Variants in PTPRJ observed in about 807,000 individuals in gnomAD.
The protein encoded by PTPRJ is protein tyrosine phosphatase receptor type J, also known as receptor-type tyrosine-protein phosphatase eta.
A neutral mutation model predicts 141.3 loss-of-function variants in PTPRJ; 129 were observed. The observed-to-expected ratio is 0.91, with a 90% CI of 0.79 to 1.06. PTPRJ has a LOEUF of 1.06. PTPRJ is among the 50% of genes least tolerant of loss of function. The pLI is 0.00. For missense variants in PTPRJ, 1,601 were observed against 1,679.7 expected (o/e 0.95, Z 0.82); for synonymous variants, 610 against 640.5 (o/e 0.95, Z 0.72).
At chr11:48,046,912 A>ATATATTT (rs1446781886) in intron 1 of PTPRJ, among the ~76,000 whole-genome samples, 13 of 74,168 alleles carry the variant, frequency 1.8e-4, no homozygotes, top group African/African-American at 9.5e-4. Context: ...ATATATATAT[A>ATATATTT]TTTTTTTTTT....
chr11:48,001,564 A>G (rs1854499842), intron 1 of PTPRJ, among the ~76,000 whole-genome samples: 1 of 152,128 alleles, frequency 6.6e-6, no homozygotes, highest in African/African-American at 2.4e-5. Context: ...AAATGTAAGC[A>G]CAATACTAAT....
chr11:48,005,435 G>T (rs1234497002), intron 1 of PTPRJ, among the ~76,000 whole-genome samples: 3 of 152,136 alleles, frequency 2.0e-5, no homozygotes, highest in African/African-American at 7.2e-5. Context: ...TTTCATGTGA[G>T]TAGAATCATA....
intron 1 of PTPRJ, among the ~76,000 whole-genome samples, chr11:48,076,072 A>G (rs1367722237): frequency 6.6e-6 from 1 of 152,164 alleles, no homozygotes; most frequent in African/African-American, 2.4e-5. Flanking sequence ...GAATTACCCT[A>G]TAGGAAGAAC....
chr11:48,144,745 T>C lies in PTPRJ; in HGVS notation c.2646T>C (p.Tyr882=), dbSNP rs769943649. 1.7e-5 allele frequency: 27 copies of C among 1,614,080 alleles called. No individual in the cohort carries two copies. The highest frequency in any genetic ancestry group is 2.2e-5 in the East Asian group (1 of 44,894). The part of the protein sequence containing the change: ...EDFKKGASDT[Y]VTYLIRTEEK... ...TCAAAAAGGGAGCCTCAGATACTTA[T>C]GTGACATACCTCATAAGAACAGAAG... Residue 882 remains tyrosine, a synonymous_variant, in exon 13 of 25, where the codon TAT becomes TAC. Coordinates refer to ENST00000418331, the MANE Select transcript of PTPRJ (RefSeq NM_002843.4).
intron 8 of PTPRJ, among the ~76,000 whole-genome samples, chr11:48,131,069 TA>T (rs1319212253): frequency 0.075 from 6,479 of 86,698 alleles, 1,066 homozygotes; most frequent in Non-Finnish European, 0.11. Flanking sequence ...TATATATATA[TA>T]TTTTTTTTTT....
In PTPRJ at chr11:48,139,523, C is replaced by T. The variant is rs750667988; in HGVS notation, c.2190C>T (p.Val730=). ...TGGCCTCCTTCGACTGCGAAGTGGT[C>T]CCCAAAGAGCCAGCCCTGGTTCTCA... The part of the protein sequence containing the change: ...ASMASFDCEV[V]PKEPALVLKW... Residue 730 remains valine (V), a synonymous_variant, in exon 11 of 25, where the codon GTC becomes GTT. Transcript: ENST00000418331. 4.1e-5 allele frequency: 66 copies of T among 1,614,160 alleles called. No homozygotes were observed. Among genetic ancestry groups the T allele is most frequent in the Non-Finnish European group, 5.5e-5 (65 of 1,179,994 alleles).
chr11:48,152,230 C>G (rs1857501826), intron 18 of PTPRJ, among the ~76,000 whole-genome samples: 1 of 152,156 alleles, frequency 6.6e-6, no homozygotes, highest in Non-Finnish European at 1.5e-5. Flanking sequence ...TGTCTTTTGG[C>G]TGCATAAATG....
chr11:48,133,989 T>C (rs975327981), intron 8 of PTPRJ, among the ~76,000 whole-genome samples: 9 of 152,182 alleles, frequency 5.9e-5, no homozygotes, highest in Non-Finnish European at 1.0e-4. Flanking sequence ...GGCTACAGTT[T>C]ATGCTGGGGA....
At chr11:48,015,812 C>T (rs530279481) in intron 1 of PTPRJ, 2 of 149,120 alleles carry the variant, frequency 1.3e-5, no homozygotes, top group South Asian at 4.2e-4. Context: ...CAAGATCATG[C>T]CACTGCACTC....
chr11:48,000,552 C>T (rs1854467905), intron 1 of PTPRJ, among the ~76,000 whole-genome samples: 1 of 152,042 alleles, frequency 6.6e-6, no homozygotes, highest in African/African-American at 2.4e-5. Context: ...AGACTCTGAA[C>T]CTTAGATCAG....
intron 7 of PTPRJ, 71 bp from the exon 8 acceptor site, chr11:48,130,388 T>G: frequency 2.8e-6 from 4 of 1,449,236 alleles, no homozygotes; most frequent in Non-Finnish European, 3.8e-6. Flanking sequence ...TCTCAGTATT[T>G]TCTGAGGTGG....
At chr11:48,104,126 T>C (rs2134316740) in intron 1 of PTPRJ, among the ~76,000 whole-genome samples, 1 of 152,332 alleles carries the variant, frequency 6.6e-6, no homozygotes, top group East Asian at 1.9e-4. Context: ...GCCTTGTGCT[T>C]GGGGCACTGT....
intron 1 of PTPRJ, among the ~76,000 whole-genome samples, chr11:48,019,098 C>T (rs188257443): frequency 2.0e-5 from 3 of 152,156 alleles, no homozygotes; most frequent in Admixed American, 6.5e-5. Context: ...GGAGTGAGCC[C>T]GTGGGTCCTG....
chr11:48,149,799 T>C, intron 16 of PTPRJ, 191 bp from the exon 17 acceptor site: 1 of 577,628 alleles, frequency 1.7e-6, no homozygotes, highest in Non-Finnish European at 3.1e-6. Flanking sequence ...ACCAATTAGT[T>C]ACAAAGTAGG....
chr11:47,985,051 G>C (rs1259397054), intron 1 of PTPRJ, among the ~76,000 whole-genome samples: 3 of 150,182 alleles, frequency 2.0e-5, no homozygotes, highest in Non-Finnish European at 3.0e-5. Flanking sequence ...CAGGGTTTCA[G>C]CATGTTGGCC....
intron 1 of PTPRJ, among the ~76,000 whole-genome samples, chr11:48,004,487 CA>C (rs1304875970): frequency 6.6e-6 from 1 of 152,140 alleles, no homozygotes; most frequent in Non-Finnish European, 1.5e-5. Context: ...CAGGCTGGTC[CA>C]GGTGTCTTTC....
intron 1 of PTPRJ, among the ~76,000 whole-genome samples, chr11:48,045,100 C>A (rs1854356950): frequency 6.6e-6 from 1 of 152,134 alleles, no homozygotes; most frequent in Admixed American, 6.5e-5. Flanking sequence ...TTTGGGATTG[C>A]CCTTTGGGAG....
chr11:48,051,995 A>C (rs962271330), intron 1 of PTPRJ, among the ~76,000 whole-genome samples: 1 of 152,236 alleles, frequency 6.6e-6, no homozygotes, highest in African/African-American at 2.4e-5. Flanking sequence ...CAGTGATGAT[A>C]GTGACAATAA....
intron 1 of PTPRJ, among the ~76,000 whole-genome samples, chr11:48,094,038 C>A (rs1855940462): frequency 6.6e-6 from 1 of 152,156 alleles, no homozygotes; most frequent in African/African-American, 2.4e-5. Flanking sequence ...CCTGGTGGGT[C>A]ATTGGCTCCT....
Sources: gnomAD v4.1 joint callset for allele counts (sites outside exome capture counted in the v4.1 genomes callset) on GRCh38, gnomAD v4.1.1 for gene constraint, MANE v1.5 for transcripts, NCBI Gene and HGNC (gene_info 2026-07-23, HGNC 2026-07-21) for gene names.